The following ZFHX3 variants were observed in gnomAD, a reference collection of about 807,000 sequenced individuals.
ZFHX3 encodes the protein zinc finger homeobox 3.
A neutral mutation model predicts 279.1 loss-of-function variants in ZFHX3; 42 were observed. That is an observed-to-expected ratio of 0.15 (90% CI 0.12 to 0.19). The LOEUF (loss-of-function observed/expected upper bound fraction) is 0.19, where lower values mean the gene tolerates loss of function less well. Ranked by LOEUF, ZFHX3 falls within the 10% of genes least tolerant of loss-of-function variation. The probability of loss-of-function intolerance (pLI) is 1.00; values close to 1 mark genes in which losing one functional copy is unlikely to be tolerated. For synonymous variants in ZFHX3, 2,293 were observed against 1,957.8 expected, an observed-to-expected ratio of 1.17 and a Z score of -4.52; for missense variants, 4,981 against 4,754.0, an observed-to-expected ratio of 1.05 and a Z score of -1.40.
At chr16:72,909,693 G>A (rs1226719144) in intron 3 of ZFHX3, among the ~76,000 whole-genome samples, 1 of 151,828 alleles carries the variant, frequency 6.6e-6, no homozygotes, top group Non-Finnish European at 1.5e-5. Flanking sequence ...CCTGGGCAAC[G>A]TGGTGAAACC....
Position 73,459,587 on chromosome 16 carries a change from C to T in ZFHX3, c.-1546-3329G>A, listed in dbSNP as rs1334262337. Reference sequence around the variant, plus strand: ...TTCACCATGTTGGCCAGGCTGGTCTCGAACTCCTGGCCTCAAGTGATCTGC... The same window carrying T: ...TTCACCATGTTGGCCAGGCTGGTCTTGAACTCCTGGCCTCAAGTGATCTGC... On this transcript the variant is annotated intron_variant, in intron 2 of 17. Coordinates refer to the ZFHX3 transcript ENST00000641206. Among the ~76,000 whole-genome samples, 5 of 152,132 alleles carry T rather than the reference C, an allele frequency of 3.3e-5. No individual in the cohort carries two copies. In the East Asian group the frequency reaches 5.8e-4, roughly 18 times the overall value.
At position 72,787,126 on chromosome 16, in the gene ZFHX3, A is replaced by G. The variant is rs367868112; in HGVS notation, c.*38T>C. 7.9e-6 allele frequency: 10 copies of G among 1,271,516 alleles called. No individual in the cohort carries two copies. Among genetic ancestry groups the G allele is most frequent in the Non-Finnish European group, 1.0e-5 (10 of 1,003,792 alleles). The allele number at this position is 1,271,516 out of a possible 1,614,324, so 78.8% of individuals were successfully genotyped here. A position where few individuals can be genotyped will look rare whatever the true frequency, so the allele number is the denominator to read the frequency against. ...AAATTGGTTTGTTATTAATTTTTGTATTTAAATTCATTTGTTTGTATTGTT... is the reference window on the plus strand; with the variant it reads ...AAATTGGTTTGTTATTAATTTTTGTGTTTAAATTCATTTGTTTGTATTGTT... On this transcript the variant is annotated 3_prime_UTR_variant, in exon 10 of 10. Transcript: ENST00000268489.
intron 1 of ZFHX3, chr16:73,809,454 G>A (rs947403210): frequency 3.3e-5 from 5 of 152,226 alleles, no homozygotes; most frequent in Admixed American, 1.3e-4. Flanking sequence ...GGTTAGAGCA[G>A]GTGGCATCAT....
chr16:72,946,407 A>G (rs1960678140), intron 3 of ZFHX3, among the ~76,000 whole-genome samples: 1 of 152,228 alleles, frequency 6.6e-6, no homozygotes, highest in African/African-American at 2.4e-5. Context: ...AACCCCAGCT[A>G]GAAACCGTTT....
chr16:73,048,101 C>G lies in ZFHX3; in HGVS notation c.-399G>C, dbSNP rs987824527. On this transcript the variant is annotated 5_prime_UTR_variant, in exon 1 of 10. Transcript: ENST00000268489. ...CCGCCGCCGCCTCCTCCTCTGCCGC[C>G]GCCCGCCCGGAATCGCTTTATGTAA... is the stretch of plus-strand genomic sequence containing the variant. 1.3e-5 allele frequency: 2 copies of G among 152,584 alleles called. No homozygotes were observed. Among genetic ancestry groups the G allele is most frequent in the African/African-American group, 4.8e-5 (2 of 41,320 alleles). The allele number at this position is 152,584 out of a possible 1,614,324, so 9.5% of individuals were successfully genotyped here. A position where few individuals can be genotyped will look rare whatever the true frequency, so the allele number is the denominator to read the frequency against.
chr16:73,543,905 A>AGAGAGAGAGAGAGAGAGG (rs1555523944), intron 2 of ZFHX3: 1 of 151,518 alleles, frequency 6.6e-6, no homozygotes, highest in African/African-American at 2.4e-5. Context: ...AGAGAGAGAG[A>AGAGAGAGAGAGAGAGAGG]GAGAGACAGA....
intron 5 of ZFHX3, among the ~76,000 whole-genome samples, chr16:73,188,266 C>G (rs1345540774): frequency 2.0e-5 from 3 of 152,092 alleles, no homozygotes; most frequent in Admixed American, 6.5e-5. Context: ...ACAATCTTAC[C>G]TTACTGCAGC....
exon 8 of ZFHX3, chr16:73,093,451 T>G (rs1467066336): frequency 2.0e-6 from 1 of 495,126 alleles, no homozygotes; most frequent in South Asian, 1.5e-5. Context: ...CTCAGCTCTT[T>G]TGGGGGTTCC....
chr16:72,847,011 G>A (rs1343071725), intron 4 of ZFHX3, among the ~76,000 whole-genome samples: 1 of 152,166 alleles, frequency 6.6e-6, no homozygotes, highest in Non-Finnish European at 1.5e-5. Context: ...CTGGGGTGAA[G>A]GACTCAAGGC....
intron 8 of ZFHX3, among the ~76,000 whole-genome samples, chr16:73,089,083 T>A (rs1031862991): frequency 3.3e-5 from 5 of 152,110 alleles, no homozygotes; most frequent in Admixed American, 6.5e-5. Context: ...TGTTACACCT[T>A]TTTTTAAATT....
At chr16:73,197,276 G>C (rs1189904774) in intron 5 of ZFHX3, among the ~76,000 whole-genome samples, 1 of 152,130 alleles carries the variant, frequency 6.6e-6, no homozygotes, top group African/African-American at 2.4e-5. Context: ...AATGGATAAT[G>C]GCATCAATGG....
chr16:73,394,413 A>T (rs1009750538), intron 3 of ZFHX3, among the ~76,000 whole-genome samples: 1 of 151,988 alleles, frequency 6.6e-6, no homozygotes, highest in African/African-American at 2.4e-5. Context: ...TTTGTGCCTC[A>T]TCCTCCCAAG....
rs1452711078 is a variant in ZFHX3, at chr16:72,794,465, C to T, written c.8217G>A (p.Lys2739=). 1.2e-6 allele frequency: 2 copies of T among 1,614,192 alleles called. No homozygotes were observed. ...HIRSRHWHEA[K]RAGYNLTLSA... is the part of the protein sequence containing the mutation. ...ACAGAGTTAGGTTGTAGCCAGCTCT[C>T]TTGGCTTCATGCCAGTGACGGGACC... Residue 2739 remains lysine, a synonymous_variant, in exon 9 of 10, where the codon AAG becomes AAA. Transcript: ENST00000268489. The surrounding 1 kb of genome is among the most constrained non-coding windows in gnomAD (Gnocchi z 4.2).
chr16:72,919,777 C>CTT (rs532405250), intron 3 of ZFHX3, among the ~76,000 whole-genome samples: 4,662 of 42,244 alleles, frequency 0.11, 1,827 homozygotes, highest in East Asian at 0.25. Flanking sequence ...TATGCACCAT[C>CTT]TTTTTTTTTT....
chr16:73,514,071 A>G (rs1446987778), intron 2 of ZFHX3, among the ~76,000 whole-genome samples: 1 of 152,018 alleles, frequency 6.6e-6, no homozygotes, highest in Non-Finnish European at 1.5e-5. Context: ...ACACCGTGAA[A>G]CCCTGTCTCT....
chr16:73,500,783 T>G (rs565444059), intron 2 of ZFHX3, among the ~76,000 whole-genome samples: 19 of 151,108 alleles, frequency 1.3e-4, no homozygotes, highest in Non-Finnish European at 2.2e-4. Context: ...GCTGTGTTAT[T>G]CCAAATTTTT....
At chr16:73,501,032 A>G (rs2143664730) in intron 2 of ZFHX3, among the ~76,000 whole-genome samples, 1 of 152,386 alleles carries the variant, frequency 6.6e-6, no homozygotes, top group South Asian at 2.1e-4. Flanking sequence ...AGGGTCCTAC[A>G]CAGGGGTACC....
At chr16:73,248,983 G>A (rs1273858650) in intron 5 of ZFHX3, among the ~76,000 whole-genome samples, 15 of 152,130 alleles carry the variant, frequency 9.9e-5, no homozygotes, top group Admixed American at 7.2e-4. Context: ...AATTAGATAC[G>A]TTTTCATTCA....
chr16:72,786,628 A>T lies in ZFHX3; in HGVS notation c.*536T>A, dbSNP rs1247992837. The T allele has an allele frequency of 6.6e-6, 1 of 152,126 alleles. No individual in the cohort carries two copies. Among genetic ancestry groups the T allele is most frequent in the African/African-American group, 2.4e-5 (1 of 41,386 alleles). 9.4% of individuals were successfully genotyped at this position (152,126 alleles called of 1,614,324 possible). ...TGAAAAAACAATAATATATAAAACA[A>T]TGATTCTGAAAACAAAGTGTGAGCG... On this transcript the variant is annotated 3_prime_UTR_variant, in exon 10 of 10. Coordinates refer to ENST00000268489, the MANE Select transcript of ZFHX3 (RefSeq NM_006885.4).
Sources: gnomAD v4.1 joint callset for allele counts (sites outside exome capture counted in the v4.1 genomes callset) on GRCh38, gnomAD v4.1.1 for gene constraint, Gnocchi (gnomAD v3.1) non-coding constraint, MANE v1.5 for transcripts, NCBI Gene and HGNC (gene_info 2026-07-23, HGNC 2026-07-21) for gene names.